Variants in LINGO2 observed in about 807,000 individuals in gnomAD.
LINGO2 encodes leucine-rich repeat and immunoglobulin-like domain-containing nogo receptor-interacting protein 2.
In LINGO2, 14 loss-of-function variants were observed where a neutral mutation model predicts 30.6. The observed-to-expected ratio is 0.46, with a 90% CI of 0.30 to 0.72. The LOEUF (loss-of-function observed/expected upper bound fraction) is 0.72. Ranked by LOEUF, LINGO2 falls within the 30% of genes least tolerant of loss-of-function variation. The probability of loss-of-function intolerance (pLI) is 0.07; values close to 1 mark genes in which losing one functional copy is unlikely to be tolerated. For synonymous variants in LINGO2, 317 were observed against 288.5 expected, an observed-to-expected ratio of 1.10 and a Z score of -1.00; for missense variants, 729 against 751.7, an observed-to-expected ratio of 0.97 and a Z score of 0.35.
At chr9:28,961,647 A>T in the LINGO2 span, among the ~76,000 whole-genome samples, 2 of 152,202 alleles carry the variant, frequency 1.3e-5, no homozygotes, top group Non-Finnish European at 2.9e-5. Context: ...TTGGAGCTAT[A>T]AACAACTGCA....
At chr9:29,159,652 T>C in the LINGO2 span, among the ~76,000 whole-genome samples, 1 of 151,748 alleles carries the variant, frequency 6.6e-6, no homozygotes, top group Non-Finnish European at 1.5e-5. Flanking sequence ...AGGTCAGGAG[T>C]TCGAGACAAG....
the LINGO2 span, among the ~76,000 whole-genome samples, chr9:28,847,544 G>T: frequency 2.1e-5 from 3 of 146,258 alleles, no homozygotes; most frequent in African/African-American, 7.7e-5. Context: ...GCATATCCAA[G>T]TCCACAGATC....
At chr9:27,949,782 A>G in exon 6 of LINGO2, 1 of 1,614,140 alleles carries the variant, frequency 6.2e-7, no homozygotes, top group African/African-American at 1.3e-5. Flanking sequence ...CTGAAGGCGG[A>G]TCAGGTCAGA....
chr9:28,225,070 G>A (rs947676463), intron 4 of LINGO2, among the ~76,000 whole-genome samples: 5 of 151,994 alleles, frequency 3.3e-5, no homozygotes, highest in Non-Finnish European at 7.4e-5. Flanking sequence ...CATATGCACA[G>A]GAATAAAACT....
At chr9:28,101,411 C>T (rs1034843644) in intron 4 of LINGO2, among the ~76,000 whole-genome samples, 1 of 152,150 alleles carries the variant, frequency 6.6e-6, no homozygotes, top group East Asian at 1.9e-4. Flanking sequence ...AAACTATAAA[C>T]ATGACTTTAA....
At chr9:28,834,688 T>C in the LINGO2 span, among the ~76,000 whole-genome samples, 2 of 152,308 alleles carry the variant, frequency 1.3e-5, no homozygotes, top group African/African-American at 4.8e-5. Flanking sequence ...CTTCCTACTC[T>C]GTACACTAAC....
chr9:28,835,360 C>T, the LINGO2 span, among the ~76,000 whole-genome samples: 22 of 152,198 alleles, frequency 1.4e-4, no homozygotes, highest in East Asian at 9.6e-4. Flanking sequence ...AAAATGGTAA[C>T]GTATTGTCTT....
chr9:29,047,299 A>G, the LINGO2 span, among the ~76,000 whole-genome samples: 1 of 152,166 alleles, frequency 6.6e-6, no homozygotes, highest in Non-Finnish European at 1.5e-5. Context: ...ATCATATGAA[A>G]AAAAGTTCAA....
At chr9:28,424,465 A>G (rs932109886) in intron 2 of LINGO2, among the ~76,000 whole-genome samples, 10 of 152,120 alleles carry the variant, frequency 6.6e-5, no homozygotes, top group African/African-American at 2.4e-4. Flanking sequence ...CAGTCCCCAG[A>G]CAACACAACA....
the LINGO2 span, among the ~76,000 whole-genome samples, chr9:28,861,785 A>C: frequency 6.6e-6 from 1 of 151,902 alleles, no homozygotes; most frequent in Non-Finnish European, 1.5e-5. Flanking sequence ...CAAAACCTAC[A>C]CTAAAAATTA....
At chr9:28,495,259 G>A (rs530991307) in intron 1 of LINGO2, among the ~76,000 whole-genome samples, 2 of 152,228 alleles carry the variant, frequency 1.3e-5, no homozygotes, top group South Asian at 2.1e-4. Flanking sequence ...TGTTGCCATT[G>A]CTTTTGGTGT....
the LINGO2 span, among the ~76,000 whole-genome samples, chr9:28,740,694 G>T: frequency 5.3e-5 from 8 of 151,640 alleles, 1 homozygote; most frequent in African/African-American, 1.9e-4. Flanking sequence ...ATGTAAAATT[G>T]TATATATTTT....
chr9:29,134,910 T>C, the LINGO2 span, among the ~76,000 whole-genome samples: 1 of 152,072 alleles, frequency 6.6e-6, no homozygotes, highest in Non-Finnish European at 1.5e-5. Context: ...ATTAATAGCA[T>C]CCACTCACTT....
chr9:27,999,947 C>T (rs1821864971), intron 5 of LINGO2, among the ~76,000 whole-genome samples: 1 of 152,106 alleles, frequency 6.6e-6, no homozygotes, highest in African/African-American at 2.4e-5. Context: ...TCCTGTGACT[C>T]AATATTAGCT....
the LINGO2 span, among the ~76,000 whole-genome samples, chr9:28,774,049 C>G: frequency 9.9e-6 from 1 of 101,358 alleles, no homozygotes; most frequent in African/African-American, 6.3e-5. Context: ...GATACACACA[C>G]ACACACACAC....
chr9:28,055,824 G>C (rs1261678052), intron 4 of LINGO2, among the ~76,000 whole-genome samples: 1 of 152,062 alleles, frequency 6.6e-6, no homozygotes, highest in East Asian at 1.9e-4. Flanking sequence ...ATCTAAAAAA[G>C]TCTTCTTGCT....
the LINGO2 span, among the ~76,000 whole-genome samples, chr9:29,100,824 T>C: frequency 2.0e-5 from 3 of 152,158 alleles, no homozygotes; most frequent in Non-Finnish European, 4.4e-5. Flanking sequence ...AAATATCTCA[T>C]GTAACCCATA....
chr9:27,948,845 G>T, exon 6 of LINGO2: 2 of 1,601,166 alleles, frequency 1.2e-6, no homozygotes, highest in Non-Finnish European at 1.7e-6. Context: ...TGTGAGGGGT[G>T]GGCCTTCAAA....
chr9:28,205,133 T>C (rs13297216), intron 4 of LINGO2, among the ~76,000 whole-genome samples: 13,618 of 152,256 alleles, frequency 0.089, 730 homozygotes, highest in Middle Eastern at 0.15. Flanking sequence ...ACCCTGTCTA[T>C]ACCCTCTAGG....
Sources: gnomAD v4.1 joint callset for allele counts (sites outside exome capture counted in the v4.1 genomes callset) on GRCh38, gnomAD v4.1.1 for gene constraint, MANE v1.5 for transcripts, NCBI Gene and HGNC (gene_info 2026-07-23, HGNC 2026-07-21) for gene names.